ZNF385B: variants seen among roughly 807,000 people sequenced by gnomAD.
ZNF385B encodes the protein zinc finger protein 533.
ZNF385B carries 23 observed loss-of-function variants against 39.2 expected under a neutral mutation model. The ratio of observed to expected loss-of-function variants is 0.59; its 90% CI spans 0.42 to 0.83. The LOEUF (loss-of-function observed/expected upper bound fraction) is 0.83. Ranked by LOEUF, ZNF385B falls within the 40% of genes least tolerant of loss-of-function variation. The pLI is 0.00. For missense variants in ZNF385B, 552 were observed against 598.9 expected, an observed-to-expected ratio of 0.92 and a Z score of 0.82; for synonymous variants, 205 against 222.6, an observed-to-expected ratio of 0.92 and a Z score of 0.70.
At chr2:179,748,365 T>G (rs1460140801) in intron 3 of ZNF385B, among the ~76,000 whole-genome samples, 1 of 152,166 alleles carries the variant, frequency 6.6e-6, no homozygotes, top group Non-Finnish European at 1.5e-5. Flanking sequence ...CATAAGTATT[T>G]TTTTAGCAAC....
intron 1 of ZNF385B, among the ~76,000 whole-genome samples, chr2:179,776,616 C>G (rs1305197425): frequency 6.6e-6 from 1 of 152,064 alleles, no homozygotes; most frequent in African/African-American, 2.4e-5. Context: ...GTGCAAGAGT[C>G]TGGGATGGCA....
At chr2:179,751,717 C>T (rs1433318461) in intron 3 of ZNF385B, among the ~76,000 whole-genome samples, 1 of 151,914 alleles carries the variant, frequency 6.6e-6, no homozygotes, top group African/African-American at 2.4e-5. Context: ...ACTATAGCAG[C>T]AAGAAAAAAA....
chr2:179,507,293 C>T (rs2057322071), intron 5 of ZNF385B, among the ~76,000 whole-genome samples: 1 of 152,062 alleles, frequency 6.6e-6, no homozygotes, highest in Non-Finnish European at 1.5e-5. Context: ...CCATAGGCCC[C>T]CTGCAGCCTA....
intron 3 of ZNF385B, among the ~76,000 whole-genome samples, chr2:179,627,061 C>T (rs1443595121): frequency 6.6e-6 from 1 of 152,132 alleles, no homozygotes; most frequent in African/African-American, 2.4e-5. Context: ...GACAGAAACC[C>T]CTACCTTTAA....
intron 3 of ZNF385B, among the ~76,000 whole-genome samples, chr2:179,718,073 C>T (rs1442363022): frequency 6.6e-6 from 1 of 152,074 alleles, no homozygotes; most frequent in African/African-American, 2.4e-5. Flanking sequence ...CAATGACATT[C>T]ATAATATCTC....
chr2:179,782,431 G>A (rs976280507), intron 1 of ZNF385B, among the ~76,000 whole-genome samples: 1 of 152,114 alleles, frequency 6.6e-6, no homozygotes, highest in African/African-American at 2.4e-5. Flanking sequence ...CACAAGACAA[G>A]GATGCCCTCT....
At chr2:179,668,099 T>C (rs2106295125) in intron 3 of ZNF385B, among the ~76,000 whole-genome samples, 1 of 152,336 alleles carries the variant, frequency 6.6e-6, no homozygotes. Flanking sequence ...CTCTGAAGGA[T>C]CATCCTATCC....
At chr2:179,684,548 T>C (rs181645280) in intron 3 of ZNF385B, among the ~76,000 whole-genome samples, 46 of 152,356 alleles carry the variant, frequency 3.0e-4, no homozygotes, top group African/African-American at 1.0e-3. Context: ...GTCCATAGGC[T>C]TATACCAAGT....
chr2:179,761,761 C>CTTTTTTTTT (rs34325728), intron 3 of ZNF385B, among the ~76,000 whole-genome samples: 184 of 110,244 alleles, frequency 1.7e-3, no homozygotes, highest in Middle Eastern at 6.1e-3. Context: ...TTTTTCTTTT[C>CTTTTTTTTT]TTTTTTTTTT....
At chr2:179,664,352 A>G (rs1461124435) in intron 3 of ZNF385B, among the ~76,000 whole-genome samples, 1 of 152,138 alleles carries the variant, frequency 6.6e-6, no homozygotes, top group East Asian at 1.9e-4. Context: ...GGCATTAACT[A>G]ATATTATTTC....
At chr2:179,681,570 C>T (rs554573621) in intron 3 of ZNF385B, among the ~76,000 whole-genome samples, 1 of 152,258 alleles carries the variant, frequency 6.6e-6, no homozygotes, top group African/African-American at 2.4e-5. Context: ...AGCTTAAATA[C>T]TCTTCAATCA....
intron 1 of ZNF385B, among the ~76,000 whole-genome samples, chr2:179,833,885 C>T (rs1488263953): frequency 6.6e-6 from 1 of 152,048 alleles, no homozygotes; most frequent in Non-Finnish European, 1.5e-5. Context: ...CAATGAAATA[C>T]ATTCTAAGGG....
intron 1 of ZNF385B, among the ~76,000 whole-genome samples, chr2:179,811,170 T>A (rs919237807): frequency 5.3e-5 from 8 of 152,148 alleles, no homozygotes; most frequent in Non-Finnish European, 1.2e-4. Context: ...ATGGTACAAA[T>A]GGAAAAATAT....
At chr2:179,520,653 G>C (rs1337928792) in intron 4 of ZNF385B, among the ~76,000 whole-genome samples, 1 of 152,188 alleles carries the variant, frequency 6.6e-6, no homozygotes, top group East Asian at 1.9e-4. Context: ...TTGGCAGGAT[G>C]AAAGAAGCCC....
At chr2:179,577,806 A>AT (rs1224025800) in intron 3 of ZNF385B, among the ~76,000 whole-genome samples, 1 of 151,522 alleles carries the variant, frequency 6.6e-6, no homozygotes, top group African/African-American at 2.4e-5. Context: ...CTTTACTAAA[A>AT]AAAAATACTG....
intron 3 of ZNF385B, among the ~76,000 whole-genome samples, chr2:179,631,450 C>G (rs9752068): frequency 6.6e-6 from 1 of 152,064 alleles, no homozygotes; most frequent in Non-Finnish European, 1.5e-5. Flanking sequence ...AAATAAAATC[C>G]TTTACAGACA....
chr2:179,635,944 T>C (rs1045239021), intron 3 of ZNF385B, among the ~76,000 whole-genome samples: 10 of 152,184 alleles, frequency 6.6e-5, no homozygotes, highest in Non-Finnish European at 1.0e-4. Flanking sequence ...AATTTTATCC[T>C]ATAAATTTAT....
intron 3 of ZNF385B, among the ~76,000 whole-genome samples, chr2:179,571,603 T>C (rs1685218369): frequency 6.6e-6 from 1 of 152,226 alleles, no homozygotes; most frequent in Non-Finnish European, 1.5e-5. Context: ...CAGAGAGTCA[T>C]GTGGTCTTGA....
At chr2:179,478,216 A>T (rs1048052991) in intron 6 of ZNF385B, among the ~76,000 whole-genome samples, 4 of 152,202 alleles carry the variant, frequency 2.6e-5, no homozygotes, top group Non-Finnish European at 5.9e-5. Context: ...TGATGACTAC[A>T]TATTATTTCT....
Sources: gnomAD v4.1 joint callset for allele counts (sites outside exome capture counted in the v4.1 genomes callset) on GRCh38, gnomAD v4.1.1 for gene constraint, MANE v1.5 for transcripts, NCBI Gene and HGNC (gene_info 2026-07-23, HGNC 2026-07-21) for gene names.